Variants in ADGRB1 observed in about 807,000 individuals in gnomAD.
ADGRB1 encodes the protein brain-specific angiogenesis inhibitor 1.
A neutral mutation model predicts 175.7 loss-of-function variants in ADGRB1; 36 were observed. That is an observed-to-expected ratio of 0.20 (90% CI 0.16 to 0.27). The LOEUF is 0.27. Ranked by LOEUF, ADGRB1 falls within the 10% of genes least tolerant of loss-of-function variation. ADGRB1 has a pLI of 1.00. For synonymous variants in ADGRB1, 1,054 were observed against 979.4 expected (o/e 1.08, Z -1.42); for missense variants, 1,731 against 2,255.3 (o/e 0.77, Z 4.71).
chr8:142,515,763 G>A (rs1843380131), intron 18 of ADGRB1, among the ~76,000 whole-genome samples: 1 of 152,230 alleles, frequency 6.6e-6, no homozygotes, highest in South Asian at 2.1e-4. Flanking sequence ...TGGCAGGTGA[G>A]TTTTGATGGG....
At chr8:142,539,341 C>T (rs760846521) in intron 26 of ADGRB1, 33 bp from the exon 27 acceptor site, 77 of 1,563,098 alleles carry the variant, frequency 4.9e-5, no homozygotes, top group South Asian at 4.0e-4. Context: ...CTCCCAGAGG[C>T]GCTCACCCTG....
chr8:142,476,026 T>A (rs1340820631), intron 3 of ADGRB1, among the ~76,000 whole-genome samples: 1 of 151,508 alleles, frequency 6.6e-6, no homozygotes, highest in Non-Finnish European at 1.5e-5. Context: ...TTTTGGAGGG[T>A]GTGCGGAAGG....
intron 19 of ADGRB1, among the ~76,000 whole-genome samples, chr8:142,519,570 A>ATGG (rs1335724561): frequency 2.2e-5 from 3 of 137,354 alleles, no homozygotes; most frequent in Non-Finnish European, 3.2e-5. Context: ...GGTGATAGTG[A>ATGG]TGGTGGTGGT....
intron 17 of ADGRB1, among the ~76,000 whole-genome samples, chr8:142,509,566 G>T (rs76894564): frequency 6.6e-6 from 1 of 152,314 alleles, no homozygotes; most frequent in East Asian, 1.9e-4. Flanking sequence ...AGTGGGGACC[G>T]GATGGAAGAG....
Position 142,543,791 on chromosome 8 carries a change from C to A in ADGRB1, c.4557+83C>A. Reference sequence around the variant, plus strand: ...CCTTCTTCCCTGGATTTGTGCACTTCATCCATCCATCCATCCATCCATCCA... The same window carrying A: ...CCTTCTTCCCTGGATTTGTGCACTTAATCCATCCATCCATCCATCCATCCA... On this transcript the variant is annotated intron_variant, in intron 30 of 30. Transcript: ENST00000517894. This position sits in a 1 kb window ranked among gnomAD's most constrained non-coding sequence, Gnocchi z 4.4. 9.6e-7 allele frequency: 1 copy of A among 1,041,032 alleles called. No homozygotes were observed. The highest frequency in any genetic ancestry group is 1.4e-6 in the Non-Finnish European group (1 of 696,428). The allele number at this position is 1,041,032 out of a possible 1,614,324, so 64.5% of individuals were successfully genotyped here.
At position 142,524,222 on chromosome 8, in the gene ADGRB1, C is replaced by A; in HGVS notation, c.3246-16C>A. 1 of 1,596,306 alleles carries A rather than the reference C, an allele frequency of 6.3e-7. No homozygotes were observed. Reference sequence around the variant, plus strand: ...CTCTGCACACGGGCGGTGCTGATGGCCTGTCTCCTCCCCAGCTGCTGGCTC... The same window carrying A: ...CTCTGCACACGGGCGGTGCTGATGGACTGTCTCCTCCCCAGCTGCTGGCTC... On this transcript the variant is annotated splice_polypyrimidine_tract_variant and intron_variant, in intron 22 of 30. Transcript: ENST00000517894.
At chr8:142,518,835 A>T (rs1843599210) in intron 19 of ADGRB1, among the ~76,000 whole-genome samples, 1 of 152,174 alleles carries the variant, frequency 6.6e-6, no homozygotes, top group African/African-American at 2.4e-5. Flanking sequence ...TGGAGCAGGG[A>T]GCAAGGGCTC....
In ADGRB1 at chr8:142,543,741, A is replaced by G; in HGVS notation, c.4557+33A>G. 6.6e-7 allele frequency: 1 copy of G among 1,520,660 alleles called. No homozygotes were observed. The highest frequency in any genetic ancestry group is 1.2e-5 in the South Asian group (1 of 83,420). The allele number at this position is 1,520,660 out of a possible 1,614,324, so 94.2% of individuals were successfully genotyped here. The stretch of plus-strand genomic sequence containing the variant: ...GGGCAGGGAGGGGCGGGGTGGGGAG[A>G]GCCCTTAGGTCAGGCCACCGTCTCC... On this transcript the variant is annotated intron_variant, in intron 30 of 30. Transcript: ENST00000517894. This position sits in a 1 kb window ranked among gnomAD's most constrained non-coding sequence, Gnocchi z 4.4.
At chr8:142,529,153 CCTGT>C (rs1435708798) in intron 24 of ADGRB1, among the ~76,000 whole-genome samples, 1 of 151,540 alleles carries the variant, frequency 6.6e-6, no homozygotes, top group Non-Finnish European at 1.5e-5. Flanking sequence ...AGCCTCCCTC[CCTGT>C]GAGTGCACAT....
In ADGRB1 at chr8:142,510,123, A is replaced by T. The variant is rs1843004024; in HGVS notation, c.2676-809A>T. ...GTGGAGGAGGAAGAACAGGAGGAGG[A>T]GGTTGGGGGTGGAGAGGAGGAGGAG... On this transcript the variant is annotated intron_variant, in intron 17 of 30. Coordinates refer to ENST00000517894, the MANE Select transcript of ADGRB1 (RefSeq NM_001702.3). The surrounding 1 kb of genome is among the most constrained non-coding windows in gnomAD (Gnocchi z 6.3). Among the ~76,000 whole-genome samples the T allele has an allele frequency of 1.3e-5, 2 of 151,280 alleles. No homozygotes were observed. The highest frequency in any genetic ancestry group is 3.0e-5 in the Non-Finnish European group (2 of 67,790).
At position 142,510,113 on chromosome 8, in the gene ADGRB1, C is replaced by T. The variant is rs1200121768; in HGVS notation, c.2676-819C>T. Among the ~76,000 whole-genome samples the T allele has an allele frequency of 6.6e-6, 1 of 151,682 alleles. No individual in the cohort carries two copies. The highest frequency in any genetic ancestry group is 2.4e-5 in the African/African-American group (1 of 41,280). ...AGAGGAGGAGGTGGAGGAGGAAGAA[C>T]AGGAGGAGGAGGTTGGGGGTGGAGA... On this transcript the variant is annotated intron_variant, in intron 17 of 30. Coordinates refer to ENST00000517894, the MANE Select transcript of ADGRB1 (RefSeq NM_001702.3). The surrounding 1 kb of genome is among the most constrained non-coding windows in gnomAD (Gnocchi z 6.3).
chr8:142,489,138 G>T, intron 15 of ADGRB1, 28 bp downstream of exon 15: 1 of 1,580,764 alleles, frequency 6.3e-7, no homozygotes. Context: ...GGTGGGGTGG[G>T]CAGTGCAGGG....
At chr8:142,536,010 GA>G (rs1382975130) in intron 25 of ADGRB1, among the ~76,000 whole-genome samples, 1 of 152,154 alleles carries the variant, frequency 6.6e-6, no homozygotes, top group African/African-American at 2.4e-5. Context: ...TGCCTGATGA[GA>G]GGGGTGGGCT....
chr8:142,534,009 GC>G (rs1324965859), intron 25 of ADGRB1, among the ~76,000 whole-genome samples: 1 of 152,216 alleles, frequency 6.6e-6, no homozygotes, highest in East Asian at 1.9e-4. Context: ...AGGGCGGAAG[GC>G]CCAGGAGCGG....
rs1250011287 is a variant in ADGRB1, at chr8:142,540,386, C to T, written c.3706+973C>T. ...GGGGTGACCCTAGGACTTGGGGCCTCAGGTGGCTTGGGTGTATGTGGGCCT... is the reference window on the plus strand; with the variant it reads ...GGGGTGACCCTAGGACTTGGGGCCTTAGGTGGCTTGGGTGTATGTGGGCCT... On this transcript the variant is annotated intron_variant, in intron 27 of 30. Transcript: ENST00000517894. Among the ~76,000 whole-genome samples, 13 of 152,258 alleles carry T rather than the reference C, an allele frequency of 8.5e-5. 1 individual carries two copies.
In ADGRB1 at chr8:142,464,314, G is replaced by GGCCCGA. The variant is rs1414536745; in HGVS notation, c.120_125dup (p.Glu41_Pro42dup). On this transcript the variant is annotated inframe_insertion, in exon 2 of 31. Transcript: ENST00000517894. Reference sequence around the variant, plus strand: ...GCCGCCGGAGCAGACGCGGGGCCCGGGCCCGAGCCGTGCGCCACGCTGGTG... The same window carrying GGCCCGA: ...GCCGCCGGAGCAGACGCGGGGCCCGGGCCCGAGCCCGAGCCGTGCGCCACGCTGGTG... 8.1e-6 allele frequency: 12 copies of GGCCCGA among 1,480,350 alleles called. No individual in the cohort carries two copies. The highest frequency in any genetic ancestry group is 1.1e-5 in the Non-Finnish European group (12 of 1,122,260). 91.7% of individuals were successfully genotyped at this position (1,480,350 alleles called of 1,614,324 possible). A position where few individuals can be genotyped will look rare whatever the true frequency, so the allele number is the denominator to read the frequency against.
In ADGRB1 at chr8:142,511,722, C is replaced by T. The variant is rs925455514; in HGVS notation, c.2817+649C>T. ...GGCCCTGGGTGCTGGGCGCAGCTCC[C>T]TGGGGCGGGTGGGCTCTCTTGCTTT... On this transcript the variant is annotated intron_variant, in intron 18 of 30. Coordinates refer to ENST00000517894, the MANE Select transcript of ADGRB1 (RefSeq NM_001702.3). This position sits in a 1 kb window ranked among gnomAD's most constrained non-coding sequence, Gnocchi z 4.5. 6.6e-6 allele frequency among the ~76,000 whole-genome samples: 1 copy of T among 152,148 alleles called. No individual in the cohort carries two copies.
chr8:142,498,401 C>T (rs1477141055), intron 17 of ADGRB1, among the ~76,000 whole-genome samples: 2 of 152,176 alleles, frequency 1.3e-5, no homozygotes, highest in African/African-American at 2.4e-5. Flanking sequence ...CATTGGCTCA[C>T]ACACTCAGGC....
chr8:142,495,027 T>C (rs1842148515), intron 17 of ADGRB1, among the ~76,000 whole-genome samples: 1 of 152,136 alleles, frequency 6.6e-6, no homozygotes, highest in African/African-American at 2.4e-5. Flanking sequence ...GTCAAAGTCA[T>C]GTCTGTATCC....
Sources: gnomAD v4.1 joint callset for allele counts (sites outside exome capture counted in the v4.1 genomes callset) on GRCh38, gnomAD v4.1.1 for gene constraint, Gnocchi (gnomAD v3.1) non-coding constraint, MANE v1.5 for transcripts, NCBI Gene and HGNC (gene_info 2026-07-23, HGNC 2026-07-21) for gene names.